FLRT2: variants seen among roughly 807,000 people sequenced by gnomAD.
FLRT2 encodes fibronectin leucine rich transmembrane protein 2, also known as leucine-rich repeat transmembrane protein FLRT2.
In FLRT2, 15 loss-of-function variants were observed where a neutral mutation model predicts 40.0. That is an observed-to-expected ratio of 0.38 (90% confidence interval 0.25 to 0.58). FLRT2 has a LOEUF of 0.58. Among genes scored for constraint, FLRT2 ranks in the 20% least tolerant of loss-of-function variants. FLRT2 has a pLI of 0.71. For synonymous variants in FLRT2, 380 were observed against 336.8 expected, an observed-to-expected ratio of 1.13 and a Z score of -1.41; for missense variants, 726 against 840.0, an observed-to-expected ratio of 0.86 and a Z score of 1.68.
Position 85,632,831 on chromosome 14 carries a change from C to T in FLRT2, c.*9334C>T, listed in dbSNP as rs1252389670. 2.6e-5 allele frequency: 4 copies of T among 152,160 alleles called. No homozygotes were observed. Among genetic ancestry groups the T allele is most frequent in the Non-Finnish European group, 4.4e-5 (3 of 68,032 alleles). The allele number at this position is 152,160 out of a possible 1,614,324, so 9.4% of individuals were successfully genotyped here. A position where few individuals can be genotyped will look rare whatever the true frequency, so the allele number is the denominator to read the frequency against. ...AATCAAGCTGACTTACTTTGGAATCCTGCTTCAACCACTGACCTGCCAATT... is the reference window on the plus strand; with the variant it reads ...AATCAAGCTGACTTACTTTGGAATCTTGCTTCAACCACTGACCTGCCAATT... On this transcript the variant is annotated 3_prime_UTR_variant, in exon 2 of 2. Transcript: ENST00000330753.
intron 1 of FLRT2, among the ~76,000 whole-genome samples, chr14:85,578,172 A>C (rs1891211792): frequency 7.3e-6 from 1 of 136,434 alleles, no homozygotes; most frequent in African/African-American, 2.5e-5. Context: ...TTATATATAA[A>C]AATATCTTTA....
At chr14:85,566,908 A>G (rs777030788) in intron 1 of FLRT2, among the ~76,000 whole-genome samples, 1 of 152,194 alleles carries the variant, frequency 6.6e-6, no homozygotes, top group Non-Finnish European at 1.5e-5. Context: ...GATGAAGAGT[A>G]ATACAGCACA....
At position 85,653,565 on chromosome 14, in the gene FLRT2, A is replaced by G. The variant is rs1374108880; in HGVS notation, c.*30068A>G. 2 of 152,194 alleles carry G rather than the reference A, an allele frequency of 1.3e-5. No individual in the cohort carries two copies. Among genetic ancestry groups the G allele is most frequent in the African/African-American group, 4.8e-5 (2 of 41,432 alleles). 9.4% of individuals were successfully genotyped at this position (152,194 alleles called of 1,614,324 possible). ...TTAGTATTCTCCACATTGCTACTGA[A>G]ACTTGCTGCCTTTTCCTAGAAGCAC... On this transcript the variant is annotated 3_prime_UTR_variant, in exon 2 of 2. Transcript: ENST00000330753.
chr14:85,531,257 G>C (rs1442750609), intron 1 of FLRT2: 2 of 152,348 alleles, frequency 1.3e-5, no homozygotes, highest in Non-Finnish European at 2.9e-5. Context: ...GGGACGCAGG[G>C]AGAGGGCGAA....
At chr14:85,556,789 C>T (rs542116922) in intron 1 of FLRT2, among the ~76,000 whole-genome samples, 3 of 152,144 alleles carry the variant, frequency 2.0e-5, no homozygotes, top group Non-Finnish European at 4.4e-5. Context: ...GTCAGTAATG[C>T]CTTGCTAGCA....
chr14:85,553,051 C>A (rs1889736288), intron 1 of FLRT2, among the ~76,000 whole-genome samples: 1 of 152,160 alleles, frequency 6.6e-6, no homozygotes, highest in Non-Finnish European at 1.5e-5. Context: ...AAAATAGATA[C>A]AGTGAATAAG....
rs535002819 is a variant in FLRT2 at position 85,558,875 on chromosome 14, G to A, written c.-377+28341G>A. Among the ~76,000 whole-genome samples the A allele has an allele frequency of 9.9e-5, 15 of 152,280 alleles. 2 individuals are homozygous for A. Among genetic ancestry groups the A allele is most frequent in the African/African-American group, 3.4e-4 (14 of 41,566 alleles). ...TTGCCAGAGCAGATAATAACCTTCG[G>A]GAAATAATGTATTCTGAAATAAAGG... On this transcript the variant is annotated intron_variant, in intron 1 of 1. Coordinates refer to ENST00000330753, the MANE Select transcript of FLRT2 (RefSeq NM_013231.6).
At chr14:85,545,019 A>G (rs149178856) in intron 1 of FLRT2, among the ~76,000 whole-genome samples, 5 of 152,232 alleles carry the variant, frequency 3.3e-5, no homozygotes, top group Non-Finnish European at 7.4e-5. Flanking sequence ...GCCAGTGGGA[A>G]ACTCGTGAAA....
In FLRT2 at chr14:85,644,635, G is replaced by A. The variant is rs1894246778; in HGVS notation, c.*21138G>A. On this transcript the variant is annotated 3_prime_UTR_variant, in exon 2 of 2. Transcript: ENST00000330753. Reference sequence around the variant, plus strand: ...CTGGAAATCCTTTCCAAAGAAACTGGGCCTGTTCTTGATGGGCTCCCTGGA... The same window carrying A: ...CTGGAAATCCTTTCCAAAGAAACTGAGCCTGTTCTTGATGGGCTCCCTGGA... 1 of 152,144 alleles carries A rather than the reference G, an allele frequency of 6.6e-6. No homozygotes were observed. Among genetic ancestry groups the A allele is most frequent in the South Asian group, 2.1e-4 (1 of 4,822 alleles). The allele number at this position is 152,144 out of a possible 1,614,324, so 9.4% of individuals were successfully genotyped here. A position where few individuals can be genotyped will look rare whatever the true frequency, so the allele number is the denominator to read the frequency against.
At chr14:85,562,815 A>C (rs1890427801) in intron 1 of FLRT2, 1 of 152,062 alleles carries the variant, frequency 6.6e-6, no homozygotes, top group South Asian at 2.1e-4. Flanking sequence ...ATCATTTGTC[A>C]GAATGACCTG....
chr14:85,546,306 T>G (rs1373106112), intron 1 of FLRT2, among the ~76,000 whole-genome samples: 1 of 152,216 alleles, frequency 6.6e-6, no homozygotes, highest in Admixed American at 6.5e-5. Flanking sequence ...ATTCCTTAAT[T>G]CCTTCACTTC....
chr14:85,614,806 A>G (rs1032569793), intron 1 of FLRT2, among the ~76,000 whole-genome samples: 1 of 152,142 alleles, frequency 6.6e-6, no homozygotes, highest in Non-Finnish European at 1.5e-5. Flanking sequence ...TGTCTAAAAA[A>G]TCAGTTATTT....
intron 1 of FLRT2, among the ~76,000 whole-genome samples, chr14:85,603,987 G>A (rs1892500746): frequency 6.6e-6 from 1 of 152,100 alleles, no homozygotes; most frequent in African/African-American, 2.4e-5. Flanking sequence ...GTTAAAACAT[G>A]GCTGCTTTAA....
chr14:85,531,203 C>T (rs1265811968), intron 1 of FLRT2: 2 of 152,316 alleles, frequency 1.3e-5, no homozygotes, highest in South Asian at 2.1e-4. Flanking sequence ...GGAGAGCATA[C>T]GAGGCGGAAT....
intron 1 of FLRT2, among the ~76,000 whole-genome samples, chr14:85,575,761 G>A (rs1891104754): frequency 6.6e-6 from 1 of 152,202 alleles, no homozygotes; most frequent in Non-Finnish European, 1.5e-5. Flanking sequence ...AATGAGCCTG[G>A]CTTTGTTGCC....
At chr14:85,609,359 C>A (rs1186886129) in intron 1 of FLRT2, among the ~76,000 whole-genome samples, 1 of 152,122 alleles carries the variant, frequency 6.6e-6, no homozygotes, top group Non-Finnish European at 1.5e-5. Context: ...GTACTGTGGT[C>A]AATTTCAGCT....
At chr14:85,531,218 A>C (rs916862217) in intron 1 of FLRT2, 1 of 152,334 alleles carries the variant, frequency 6.6e-6, no homozygotes, top group African/African-American at 2.4e-5. Context: ...CGGAATCCGG[A>C]TCGAGTGAGT....
intron 1 of FLRT2, among the ~76,000 whole-genome samples, chr14:85,563,934 A>G (rs1222056946): frequency 1.3e-5 from 2 of 152,196 alleles, no homozygotes; most frequent in Non-Finnish European, 2.9e-5. Flanking sequence ...TCTAAATTCC[A>G]GGGAAGACAT....
chr14:85,620,217 T>C (rs948043206), intron 1 of FLRT2, among the ~76,000 whole-genome samples: 2 of 152,146 alleles, frequency 1.3e-5, no homozygotes, highest in African/African-American at 2.4e-5. Flanking sequence ...TTTATACTAC[T>C]TTTTTTTCTT....
Sources: gnomAD v4.1 joint callset for allele counts (sites outside exome capture counted in the v4.1 genomes callset) on GRCh38, gnomAD v4.1.1 for gene constraint, MANE v1.5 for transcripts, NCBI Gene and HGNC (gene_info 2026-07-23, HGNC 2026-07-21) for gene names.